SLC13A3: variants seen among roughly 807,000 people sequenced by gnomAD.
SLC13A3 encodes the protein Na(+)/dicarboxylate cotransporter 3.
Under a neutral mutation model 59.0 loss-of-function variants are expected in SLC13A3, and 40 were observed. The observed-to-expected ratio is 0.68, with a 90% CI of 0.53 to 0.88. SLC13A3 has a LOEUF of 0.88. Among genes scored for constraint, SLC13A3 ranks in the 40% least tolerant of loss-of-function variants. SLC13A3 has a pLI of 0.00. For synonymous variants in SLC13A3, 317 were observed against 330.3 expected, an observed-to-expected ratio of 0.96 and a Z score of 0.44; for missense variants, 699 against 783.2, an observed-to-expected ratio of 0.89 and a Z score of 1.28.
chr20:46,627,510 A>G (rs552579107), intron 1 of SLC13A3, among the ~76,000 whole-genome samples: 1 of 152,270 alleles, frequency 6.6e-6, no homozygotes, highest in East Asian at 1.9e-4. Context: ...TGATGCAGGA[A>G]TGTGGGTCCC....
intron 1 of SLC13A3, among the ~76,000 whole-genome samples, chr20:46,648,194 C>T (rs2062913622): frequency 1.3e-5 from 2 of 151,718 alleles, no homozygotes; most frequent in South Asian, 2.1e-4. Context: ...ACCCATGTCC[C>T]GTTTTGCACC....
chr20:46,600,367 A>G (rs2062366024), intron 3 of SLC13A3, among the ~76,000 whole-genome samples: 1 of 149,624 alleles, frequency 6.7e-6, no homozygotes, highest in African/African-American at 2.5e-5. Flanking sequence ...AAGGAAAGAA[A>G]AGGAAGGGAA....
chr20:46,637,886 T>C (rs2062809720), intron 1 of SLC13A3, among the ~76,000 whole-genome samples: 1 of 152,088 alleles, frequency 6.6e-6, no homozygotes, highest in Non-Finnish European at 1.5e-5. Flanking sequence ...CAGGAGGTGA[T>C]TCAGGGGGAC....
At chr20:46,608,385 T>C (rs1230220623) in intron 3 of SLC13A3, among the ~76,000 whole-genome samples, 2 of 152,218 alleles carry the variant, frequency 1.3e-5, no homozygotes, top group African/African-American at 2.4e-5. Context: ...CGTTGAGTAG[T>C]TGCAACAGAG....
intron 3 of SLC13A3, among the ~76,000 whole-genome samples, chr20:46,602,945 G>A (rs28480421): frequency 0.034 from 5,156 of 152,170 alleles, 305 homozygotes; most frequent in African/African-American, 0.12. Flanking sequence ...TTGGGAAGCC[G>A]AGGTGGGCAG....
upstream of SLC13A3, among the ~76,000 whole-genome samples, chr20:46,670,797 G>C (rs1291512209): frequency 6.6e-6 from 1 of 152,012 alleles, no homozygotes; most frequent in Non-Finnish European, 1.5e-5. Context: ...CTTGTGAGGT[G>C]ATTTAATACA....
At chr20:46,585,692 T>C (rs1323202401) in intron 8 of SLC13A3, 1 of 1,298,256 alleles carries the variant, frequency 7.7e-7, no homozygotes, top group Non-Finnish European at 1.0e-6. Context: ...GAGATTTAGC[T>C]GATCTTCACA....
At chr20:46,614,967 A>G (rs1479971856) in intron 1 of SLC13A3, among the ~76,000 whole-genome samples, 2 of 152,178 alleles carry the variant, frequency 1.3e-5, no homozygotes, top group Admixed American at 1.3e-4. Flanking sequence ...GCTGATGGCA[A>G]TGTTCTATAC....
In SLC13A3 at chr20:46,610,455, C is replaced by T; in HGVS notation, c.532G>A (p.Glu178Lys). 1 of 1,613,018 alleles carries T rather than the reference C, an allele frequency of 6.2e-7. No homozygotes were observed. Among genetic ancestry groups the T allele is most frequent in the Non-Finnish European group, 8.5e-7 (1 of 1,179,386 alleles). The part of the protein sequence containing the change: ...VRKDPSQESE[E>K]NTAAVRRNGL... ...CTTAGCACAGCCTCACCTGTGTTCT[C>T]TTCACTCTCCTGGCTGGGGTCCTTT... is the stretch of plus-strand genomic sequence containing the variant. The change falls in exon 3 of 13, where the codon GAG becomes AAG. Residue 178 changes from glutamate (E) to lysine (K), a missense_variant. Coordinates refer to ENST00000279027, the MANE Select transcript of SLC13A3 (RefSeq NM_022829.6).
At chr20:46,636,093 T>C (rs1468280031) in intron 1 of SLC13A3, among the ~76,000 whole-genome samples, 1 of 152,256 alleles carries the variant, frequency 6.6e-6, no homozygotes, top group African/African-American at 2.4e-5. Context: ...GTATGCTCAG[T>C]TGAGCAGCCT....
chr20:46,604,934 C>T (rs1335798919), intron 3 of SLC13A3, among the ~76,000 whole-genome samples: 1 of 152,152 alleles, frequency 6.6e-6, no homozygotes. Flanking sequence ...CTCGCTCTAC[C>T]CTCTTCCCAC....
intron 3 of SLC13A3, among the ~76,000 whole-genome samples, chr20:46,607,368 C>G (rs965134314): frequency 2.6e-5 from 4 of 152,190 alleles, no homozygotes; most frequent in Non-Finnish European, 4.4e-5. Flanking sequence ...CTGGCAGAAT[C>G]TCTACTCCCT....
chr20:46,577,222 C>T (rs4810525), intron 9 of SLC13A3, among the ~76,000 whole-genome samples: 3,619 of 28,416 alleles, frequency 0.13, 1 homozygote, highest in South Asian at 0.2. Context: ...AGCCCACAGG[C>T]GTATGCAACC....
chr20:46,572,296 C>T (rs1271332511), intron 10 of SLC13A3, among the ~76,000 whole-genome samples: 1 of 152,174 alleles, frequency 6.6e-6, no homozygotes, highest in African/African-American at 2.4e-5. Context: ...TCTGGTCGCT[C>T]CTGGGCCAGG....
chr20:46,563,458 TGGG>T lies in SLC13A3; in HGVS notation c.1585_1587del (p.Pro529del), dbSNP rs746188056. On this transcript the variant is annotated inframe_deletion, in exon 12 of 13. Transcript: ENST00000279027. ...TGTCCAGAGGCGAAGGCGATGGAGT[TGGG>T]GGGCGTTGAGACCGGGAGCATGAAG... The T allele has an allele frequency of 2.5e-6, 4 of 1,613,920 alleles. No homozygotes were observed.
intron 1 of SLC13A3, among the ~76,000 whole-genome samples, chr20:46,649,182 C>T (rs189523892): frequency 4.8e-4 from 73 of 152,250 alleles, no homozygotes; most frequent in African/African-American, 1.6e-3. Flanking sequence ...CAATAAAACA[C>T]CTTCTTCATC....
At chr20:46,630,466 G>A (rs1397209023) in intron 1 of SLC13A3, among the ~76,000 whole-genome samples, 2 of 152,216 alleles carry the variant, frequency 1.3e-5, no homozygotes, top group South Asian at 4.1e-4. Flanking sequence ...CCCACGATGT[G>A]CAGAAGCATG....
chr20:46,662,954 T>C (rs984950807), intron 1 of SLC13A3, among the ~76,000 whole-genome samples: 1 of 152,196 alleles, frequency 6.6e-6, no homozygotes, highest in African/African-American at 2.4e-5. Flanking sequence ...TGAATTTGTG[T>C]ATATTTGGTC....
chr20:46,591,635 A>G (rs6011993), intron 6 of SLC13A3, among the ~76,000 whole-genome samples: 2 of 152,308 alleles, frequency 1.3e-5, no homozygotes, highest in African/African-American at 4.8e-5. Flanking sequence ...CCTCAACGTA[A>G]GTAGACTGAG....
Sources: gnomAD v4.1 joint callset for allele counts (sites outside exome capture counted in the v4.1 genomes callset) on GRCh38, gnomAD v4.1.1 for gene constraint, MANE v1.5 for transcripts, NCBI Gene and HGNC (gene_info 2026-07-23, HGNC 2026-07-21) for gene names.